The following LRRC40 variants were observed in gnomAD, a reference collection of about 807,000 sequenced individuals.
The protein encoded by LRRC40 is leucine-rich repeat-containing protein 40.
In LRRC40, 76 loss-of-function variants were observed where a neutral mutation model predicts 72.8. The observed-to-expected ratio is 1.04, with a 90% CI of 0.87 to 1.26. LRRC40 has a LOEUF of 1.26. LRRC40 is among the 50% of genes most tolerant of loss of function. LRRC40 has a pLI of 0.00. For synonymous variants in LRRC40, 243 were observed against 254.2 expected (o/e 0.96, Z 0.42); for missense variants, 684 against 698.9 (o/e 0.98, Z 0.24).
intron 6 of LRRC40, among the ~76,000 whole-genome samples, chr1:70,177,997 T>G (rs987452401): frequency 2.6e-5 from 4 of 152,216 alleles, no homozygotes; most frequent in Non-Finnish European, 5.9e-5. Flanking sequence ...TTAATAAGAT[T>G]CTTTTCTCTA....
chr1:70,178,298 A>G (rs1316049555), intron 6 of LRRC40, among the ~76,000 whole-genome samples: 1 of 152,238 alleles, frequency 6.6e-6, no homozygotes, highest in Non-Finnish European at 1.5e-5. Flanking sequence ...CAGATGGAAA[A>G]TTATTCTTAT....
At position 70,187,257 on chromosome 1, in the gene LRRC40, A is replaced by AT. The variant is rs1202645392; in HGVS notation, c.407+7dup. ...GCAATAATATAAGTAAATAAGCTTAATTTTTACCTGACATTAAGTTTCTGA... is the reference window on the plus strand; with the variant it reads ...GCAATAATATAAGTAAATAAGCTTAATTTTTTACCTGACATTAAGTTTCTGA... On this transcript the variant is annotated splice_region_variant and intron_variant, in intron 3 of 14. Transcript: ENST00000370952. 2 of 1,452,282 alleles carry AT rather than the reference A, an allele frequency of 1.4e-6. No homozygotes were observed. The highest frequency in any genetic ancestry group is 4.6e-5 in the East Asian group (2 of 43,784). The allele number at this position is 1,452,282 out of a possible 1,614,324, so 90.0% of individuals were successfully genotyped here. A position where few individuals can be genotyped will look rare whatever the true frequency, so the allele number is the denominator to read the frequency against.
chr1:70,177,235 CA>C (rs1293830870), intron 6 of LRRC40, among the ~76,000 whole-genome samples: 1 of 152,072 alleles, frequency 6.6e-6, no homozygotes, highest in Non-Finnish European at 1.5e-5. Context: ...GAGATTGCAC[CA>C]CTGCACTCCA....
At chr1:70,183,878 A>T (rs1002731367) in intron 4 of LRRC40, among the ~76,000 whole-genome samples, 4 of 152,102 alleles carry the variant, frequency 2.6e-5, no homozygotes, top group Non-Finnish European at 4.4e-5. Context: ...TATCAGCTTT[A>T]CTTTCTTATT....
At chr1:70,154,012 A>C (rs991829558) in intron 11 of LRRC40, among the ~76,000 whole-genome samples, 1 of 151,362 alleles carries the variant, frequency 6.6e-6, no homozygotes, top group African/African-American at 2.4e-5. Context: ...AATTGCATGT[A>C]TAACTCCAAA....
At chr1:70,174,052 T>C (rs1668052488) in intron 7 of LRRC40, among the ~76,000 whole-genome samples, 1 of 152,044 alleles carries the variant, frequency 6.6e-6, no homozygotes, top group African/African-American at 2.4e-5. Flanking sequence ...AATGTTTTGA[T>C]TTTGCACTTA....
In LRRC40 at chr1:70,168,012, T is replaced by G. The variant is rs74085974; in HGVS notation, c.1111+5453A>C. 8.2e-3 allele frequency among the ~76,000 whole-genome samples: 1,248 copies of G among 152,282 alleles called. 15 individuals carry two copies. The highest frequency in any genetic ancestry group is 0.029 in the African/African-American group (1,190 of 41,546). ...GAGGTGAGTCTGTGGTATTTGAACC[T>G]AGACTGCTCCCTCTCTCCCCTCTTC... On this transcript the variant is annotated intron_variant, in intron 9 of 14. Coordinates refer to ENST00000370952, the MANE Select transcript of LRRC40 (RefSeq NM_017768.5).
chr1:70,201,871 G>C (rs1234421879), intron 1 of LRRC40, among the ~76,000 whole-genome samples: 1 of 152,154 alleles, frequency 6.6e-6, no homozygotes, highest in Non-Finnish European at 1.5e-5. Flanking sequence ...CAGCTACTCA[G>C]GAGGCTGAGA....
chr1:70,170,417 A>G (rs1667976416), intron 9 of LRRC40, among the ~76,000 whole-genome samples: 1 of 152,224 alleles, frequency 6.6e-6, no homozygotes, highest in African/African-American at 2.4e-5. Context: ...AATAAAAGGC[A>G]TCCAGATTGG....
At chr1:70,204,219 C>T (rs1239224874) in intron 1 of LRRC40, among the ~76,000 whole-genome samples, 2 of 152,180 alleles carry the variant, frequency 1.3e-5, no homozygotes, top group Non-Finnish European at 2.9e-5. Flanking sequence ...TTTAATAAGA[C>T]TCTACTATGT....
intron 11 of LRRC40, among the ~76,000 whole-genome samples, chr1:70,153,699 T>C (rs761172975): frequency 1.3e-5 from 2 of 152,082 alleles, no homozygotes; most frequent in Non-Finnish European, 2.9e-5. Flanking sequence ...ATACAAATTA[T>C]GGCCAAGCAT....
intron 1 of LRRC40, among the ~76,000 whole-genome samples, chr1:70,198,516 G>C (rs944268057): frequency 6.6e-6 from 1 of 152,146 alleles, no homozygotes; most frequent in East Asian, 1.9e-4. Flanking sequence ...ACGAAAAAGA[G>C]CTGCAATATT....
At chr1:70,189,999 C>T (rs942782273) in intron 1 of LRRC40, among the ~76,000 whole-genome samples, 2 of 152,182 alleles carry the variant, frequency 1.3e-5, no homozygotes, top group Admixed American at 6.5e-5. Context: ...CACCATACAA[C>T]ACTGTGTTAT....
intron 1 of LRRC40, 99 bp downstream of exon 1, chr1:70,205,291 T>A: frequency 8.3e-7 from 1 of 1,205,388 alleles, no homozygotes. Flanking sequence ...GCTAGCAGTC[T>A]GAGAAAGGGG....
chr1:70,159,479 C>A (rs774643350), intron 9 of LRRC40, 41 bp from the exon 10 acceptor site: 5 of 838,146 alleles, frequency 6.0e-6, no homozygotes, highest in Admixed American at 2.1e-5. Context: ...ATTTATACTA[C>A]AAAGTCATTG....
chr1:70,162,931 G>C (rs1200328833), intron 9 of LRRC40, among the ~76,000 whole-genome samples: 1 of 152,120 alleles, frequency 6.6e-6, no homozygotes, highest in African/African-American at 2.4e-5. Context: ...TTCTATGGTT[G>C]CTTTAACAAA....
chr1:70,147,681 A>C (rs1667343603), intron 14 of LRRC40, among the ~76,000 whole-genome samples: 1 of 152,206 alleles, frequency 6.6e-6, no homozygotes, highest in Non-Finnish European at 1.5e-5. Flanking sequence ...CTGTATTTAT[A>C]GTCTCCTATA....
At chr1:70,148,767 T>C (rs1426041763) in intron 13 of LRRC40, 95 bp from the exon 14 acceptor site, 4 of 733,318 alleles carry the variant, frequency 5.5e-6, no homozygotes, top group Non-Finnish European at 6.3e-6. Context: ...GACAGTTTTT[T>C]CTTTAGTGTA....
chr1:70,177,079 C>G (rs1174449088), intron 6 of LRRC40, among the ~76,000 whole-genome samples: 1 of 152,076 alleles, frequency 6.6e-6, no homozygotes, highest in Non-Finnish European at 1.5e-5. Flanking sequence ...AGTTCGAGAC[C>G]AGCCTGGCCA....
Sources: gnomAD v4.1 joint callset for allele counts (sites outside exome capture counted in the v4.1 genomes callset) on GRCh38, gnomAD v4.1.1 for gene constraint, MANE v1.5 for transcripts, NCBI Gene and HGNC (gene_info 2026-07-23, HGNC 2026-07-21) for gene names.